Variants in FAT2 observed in about 807,000 individuals in gnomAD.
The protein encoded by FAT2 is FAT atypical cadherin 2, also known as protocadherin Fat 2.
FAT2 carries 150 observed loss-of-function variants against 295.3 expected under a neutral mutation model. The ratio of observed to expected loss-of-function variants is 0.51; its 90% CI spans 0.44 to 0.58. FAT2 has a LOEUF of 0.58. FAT2 is among the 20% of genes least tolerant of loss of function. The pLI, the probability that FAT2 is intolerant of heterozygous loss-of-function variation, is 0.00. For synonymous variants in FAT2, 2,026 were observed against 2,150.3 expected, an observed-to-expected ratio of 0.94 and a Z score of 1.60; for missense variants, 4,868 against 5,442.7, an observed-to-expected ratio of 0.89 and a Z score of 3.32.
At chr5:151,565,002 G>T (rs996225114) in intron 2 of FAT2, among the ~76,000 whole-genome samples, 1 of 152,102 alleles carries the variant, frequency 6.6e-6, no homozygotes, top group Non-Finnish European at 1.5e-5. Context: ...TTGAACTCGG[G>T]GGACGGAGGT....
At chr5:151,555,027 T>G (rs750638351) in intron 4 of FAT2, among the ~76,000 whole-genome samples, 106 of 152,200 alleles carry the variant, frequency 7.0e-4, no homozygotes, top group Non-Finnish European at 1.4e-3. Context: ...GTTGCTCGAT[T>G]AGAGAAAATA....
chr5:151,519,241 G>A (rs1052596904), intron 19 of FAT2, among the ~76,000 whole-genome samples: 2 of 152,196 alleles, frequency 1.3e-5, no homozygotes, highest in Non-Finnish European at 2.9e-5. Context: ...CTACTCACGA[G>A]GCTGAGGCAG....
At chr5:151,571,754 C>G (rs1022243664) in intron 1 of FAT2, among the ~76,000 whole-genome samples, 2 of 152,236 alleles carry the variant, frequency 1.3e-5, no homozygotes, top group African/African-American at 4.8e-5. Flanking sequence ...CTTGTACTAC[C>G]TTCCTAGTTC....
At position 151,554,641 on chromosome 5, in the gene FAT2, C is replaced by T. The variant is rs1757524515; in HGVS notation, c.3666G>A (p.Leu1222=). 18 of 1,613,972 alleles carry T rather than the reference C, an allele frequency of 1.1e-5. No individual in the cohort carries two copies. The highest frequency in any genetic ancestry group is 1.4e-5 in the Non-Finnish European group (17 of 1,179,982). ...VTVLDNGEPS[L]KSTSRVVVGI... is the part of the protein sequence containing the mutation. ...CTACCACCACCCTGGAGGTGGACTT[C>T]AGTGAGGGTTCCCCATTGTCCAGCA... The change falls in exon 5 of 24, where the codon CTG becomes CTA. Residue 1222 remains leucine, a synonymous_variant. Transcript: ENST00000261800.
chr5:151,579,605 A>G (rs1360245116), intron 1 of FAT2, among the ~76,000 whole-genome samples: 6 of 152,220 alleles, frequency 3.9e-5, no homozygotes, highest in South Asian at 4.1e-4. Flanking sequence ...TTAAAAAGGC[A>G]TATGAGTTAA....
intron 21 of FAT2, chr5:151,510,938 C>T (rs1761271716): frequency 6.6e-6 from 1 of 152,468 alleles, no homozygotes; most frequent in Non-Finnish European, 1.5e-5. Context: ...GAACTATGGC[C>T]TGGGAGGTGC....
intron 18 of FAT2, among the ~76,000 whole-genome samples, chr5:151,525,396 C>T (rs968157309): frequency 3.9e-5 from 6 of 152,224 alleles, no homozygotes; most frequent in Non-Finnish European, 7.3e-5. Context: ...GAGAGCTGTT[C>T]TGGCTAAGCT....
Position 151,544,772 on chromosome 5 carries a change from C to G in FAT2, c.6355G>C (p.Asp2119His). The stretch of plus-strand genomic sequence containing the variant: ...AGTGATATGTCCCCAAGATAGGGGT[C>G]AATTCGGAAATATGTGTAATCTTCT... Reference protein sequence around the residue: ...FAEDYTYFRIDPYLGDISLKK... With the variant: ...FAEDYTYFRIHPYLGDISLKK... The change falls in exon 10 of 24, where the codon GAC becomes CAC. Residue 2119 changes from aspartate (D) to histidine (H), a missense_variant. This residue lies in a region of FAT2 where 3,297 missense variants were observed against 3,669.4 expected (regional missense o/e 0.90). Coordinates refer to ENST00000261800, the MANE Select transcript of FAT2 (RefSeq NM_001447.3). 6.2e-7 allele frequency: 1 copy of G among 1,614,130 alleles called. No individual in the cohort carries two copies.
At chr5:151,546,950 C>A (rs1474287811) in intron 9 of FAT2, among the ~76,000 whole-genome samples, 1 of 152,168 alleles carries the variant, frequency 6.6e-6, no homozygotes, top group Non-Finnish European at 1.5e-5. Context: ...GAGCAAATAT[C>A]TTTGCCCCAT....
chr5:151,576,811 A>C (rs1353828614), intron 1 of FAT2, among the ~76,000 whole-genome samples: 1 of 152,138 alleles, frequency 6.6e-6, no homozygotes, highest in African/African-American at 2.4e-5. Flanking sequence ...AGTTTGCACA[A>C]GTTTGTTATT....
Position 151,521,249 on chromosome 5 carries a change from C to A in FAT2, c.11317+27G>T. On this transcript the variant is annotated intron_variant, in intron 19 of 23. Transcript: ENST00000261800. ...GCGGGCTGAGCCCAGCAGTGCTGCT[C>A]GTCCCTAGGGAAGATGTAGTACTTA... 1.9e-6 allele frequency: 3 copies of A among 1,568,862 alleles called. No homozygotes were observed. In the South Asian group the frequency reaches 3.6e-5, roughly 19 times the overall value.
In FAT2 at chr5:151,504,278, C is replaced by A. The variant is rs1371640724; in HGVS notation, c.*1287G>T. 1 of 149,208 alleles carries A rather than the reference C, an allele frequency of 6.7e-6. No individual in the cohort carries two copies. Among genetic ancestry groups the A allele is most frequent in the Non-Finnish European group, 1.5e-5 (1 of 67,688 alleles). The allele number at this position is 149,208 out of a possible 1,614,324, so 9.2% of individuals were successfully genotyped here. A position where few individuals can be genotyped will look rare whatever the true frequency, so the allele number is the denominator to read the frequency against. ...AAGGCTCCACTGCTCTTCCTTTTGA[C>A]TTCTGTCTCCAGAAACAACACATAT... On this transcript the variant is annotated 3_prime_UTR_variant, in exon 24 of 24. Coordinates refer to ENST00000261800, the MANE Select transcript of FAT2 (RefSeq NM_001447.3).
At chr5:151,574,885 C>T (rs964131458) in intron 1 of FAT2, among the ~76,000 whole-genome samples, 1 of 152,176 alleles carries the variant, frequency 6.6e-6, no homozygotes, top group Non-Finnish European at 1.5e-5. Flanking sequence ...ATTGATGGGT[C>T]CTGTGACTTG....
At chr5:151,583,559 G>A (rs1327996595) in intron 1 of FAT2, among the ~76,000 whole-genome samples, 1 of 152,196 alleles carries the variant, frequency 6.6e-6, no homozygotes, top group African/African-American at 2.4e-5. Flanking sequence ...GTGAGTGACT[G>A]AAAAGGGTAC....
intron 23 of FAT2, 145 bp downstream of exon 23, chr5:151,507,009 A>C: frequency 1.5e-6 from 1 of 675,808 alleles, no homozygotes; most frequent in Non-Finnish European, 2.4e-6. Context: ...CGTGCCCTGT[A>C]ATCTTGAACA....
Position 151,542,580 on chromosome 5 carries a change from G to C in FAT2, c.8547C>G (p.Ala2849=), listed in dbSNP as rs768633937. 6.2e-7 allele frequency: 1 copy of C among 1,614,140 alleles called. No homozygotes were observed. The highest frequency in any genetic ancestry group is 8.5e-7 in the Non-Finnish European group (1 of 1,180,028). The change falls in exon 10 of 24, where the codon GCC becomes GCG. Residue 2849 remains alanine, a synonymous_variant. Transcript: ENST00000261800. ...DPGSNVHELF[A]IDSESGWITT... ...TGATCCAACCACTCTCACTGTCAAT[G>C]GCAAAGAGCTCATGGACATTGCTAC...
rs1477938818 is a variant in FAT2 at position 151,544,475 on chromosome 5, T to A, written c.6652A>T (p.Thr2218Ser). Residue 2218 changes from threonine (T) to serine (S), a missense_variant, in exon 10 of 24, where the codon ACT becomes TCT. By Grantham distance (58) the Thr-to-Ser change is moderately conservative. This residue lies in a region of FAT2 where 3,297 missense variants were observed against 3,669.4 expected (regional missense o/e 0.90). Coordinates refer to ENST00000261800, the MANE Select transcript of FAT2 (RefSeq NM_001447.3). ...VEEEPLMLFTTDFKTGVLTVT... is the reference protein window; with the variant it reads ...VEEEPLMLFTSDFKTGVLTVT... Reference sequence around the variant, plus strand: ...GTTAGGACACCAGTCTTGAAGTCAGTGGTGAACAGCATCAAGGGTTCTTCC... The same window carrying A: ...GTTAGGACACCAGTCTTGAAGTCAGAGGTGAACAGCATCAAGGGTTCTTCC... 1 of 1,614,110 alleles carries A rather than the reference T, an allele frequency of 6.2e-7. No individual in the cohort carries two copies. Among genetic ancestry groups the A allele is most frequent in the Admixed American group, 1.7e-5 (1 of 60,018 alleles).
At position 151,566,257 on chromosome 5, in the gene FAT2, T is replaced by C; in HGVS notation, c.2675A>G (p.Lys892Arg). 1 of 1,614,128 alleles carries C rather than the reference T, an allele frequency of 6.2e-7. No homozygotes were observed. The highest frequency in any genetic ancestry group is 8.5e-7 in the Non-Finnish European group (1 of 1,180,012). Residue 892 changes from lysine to arginine, a missense_variant, in exon 2 of 24, where the codon AAG becomes AGG. Coordinates refer to ENST00000261800, the MANE Select transcript of FAT2 (RefSeq NM_001447.3). ...DRESEPRYIL[K>R]VEARDQPSKG... ...GCTGGGCTGATCCCTGGCCTCCACC[T>C]TGAGTATGTACCGAGGCTCTGATTC...
intron 23 of FAT2, among the ~76,000 whole-genome samples, chr5:151,506,549 C>T (rs1213650311): frequency 6.6e-6 from 1 of 152,208 alleles, no homozygotes; most frequent in Non-Finnish European, 1.5e-5. Context: ...ACCAGGAGCC[C>T]TTGGTCCTAG....
Sources: allele counts gnomAD v4.1 joint callset (sites outside exome capture counted in the v4.1 genomes callset), GRCh38; gene constraint gnomAD v4.1.1; regional missense constraint gnomAD v4.1.1; transcripts MANE v1.5; gene names NCBI Gene and HGNC (gene_info 2026-07-23, HGNC 2026-07-21).